Variants in PKP1 observed in about 807,000 individuals in gnomAD.
PKP1 encodes the protein plakophilin 1.
A neutral mutation model predicts 76.4 loss-of-function variants in PKP1; 27 were observed. That is an observed-to-expected ratio of 0.35 (90% CI 0.26 to 0.49). The LOEUF (loss-of-function observed/expected upper bound fraction) is 0.49. Among genes scored for constraint, PKP1 ranks in the 20% least tolerant of loss-of-function variants. PKP1 has a pLI of 0.99. For synonymous variants in PKP1, 404 were observed against 384.2 expected (o/e 1.05, Z -0.60); for missense variants, 964 against 955.2 (o/e 1.01, Z -0.12).
chr1:201,284,786 C>G (rs1302218140), intron 1 of PKP1, among the ~76,000 whole-genome samples: 3 of 152,156 alleles, frequency 2.0e-5, no homozygotes, highest in East Asian at 1.9e-4. Flanking sequence ...GAAATCCCCC[C>G]GGGCCCCAGG....
chr1:201,322,861 C>T (rs769328205), intron 8 of PKP1, 152 bp from the exon 9 acceptor site: 37 of 736,574 alleles, frequency 5.0e-5, no homozygotes, highest in Non-Finnish European at 7.6e-5. Context: ...TGCAGCGGGG[C>T]TGTCCTGGGC....
At chr1:201,290,195 C>T (rs893219717) in intron 1 of PKP1, among the ~76,000 whole-genome samples, 9 of 152,168 alleles carry the variant, frequency 5.9e-5, no homozygotes, top group Non-Finnish European at 8.8e-5. Flanking sequence ...CACCCTAAAA[C>T]GCGGATGTAA....
At position 201,330,398 on chromosome 1, in the gene PKP1, A is replaced by C. The variant is rs1304254710; in HGVS notation, c.*357A>C. Reference sequence around the variant, plus strand: ...GCATGTGTGTGTGTGTGAGTGTCTTAAAGCATAACCACAAACTGCAAAAAG... The same window carrying C: ...GCATGTGTGTGTGTGTGAGTGTCTTCAAGCATAACCACAAACTGCAAAAAG... On this transcript the variant is annotated 3_prime_UTR_variant, in exon 14 of 14. Coordinates refer to ENST00000367324, the MANE Select transcript of PKP1 (RefSeq NM_001005337.3). 6.6e-6 allele frequency: 1 copy of C among 152,250 alleles called. No individual in the cohort carries two copies. The highest frequency in any genetic ancestry group is 1.5e-5 in the Non-Finnish European group (1 of 68,086). 9.4% of individuals were successfully genotyped at this position (152,250 alleles called of 1,614,324 possible).
Position 201,320,282 on chromosome 1 carries a change from C to G in PKP1, c.1248C>G (p.Ala416=). The G allele has an allele frequency of 1.9e-6, 3 of 1,613,068 alleles. No homozygotes were observed. Among genetic ancestry groups the G allele is most frequent in the Non-Finnish European group, 2.5e-6 (3 of 1,179,086 alleles). Residue 416 remains alanine (A), a synonymous_variant, in exon 7 of 14, where the codon GCC becomes GCG. Transcript: ENST00000367324. ...ATGCLRNLSS[A]DAGRQTMRNY... is the part of the protein sequence containing the mutation. ...TCTCCCCCAGGAACCTGAGCTCGGC[C>G]GATGCAGGCCGCCAGACCATGCGTA...
rs541358229 is a variant in PKP1, at chr1:201,325,376, C to G, written c.2021+249C>G. Among the ~76,000 whole-genome samples the G allele has an allele frequency of 2.6e-5, 4 of 152,102 alleles. No individual in the cohort carries two copies. In the South Asian group the frequency reaches 8.3e-4, roughly 32 times the overall value. On this transcript the variant is annotated intron_variant, in intron 11 of 13. Transcript: ENST00000367324. Reference sequence around the variant, plus strand: ...CAACACACTTCCTGGCTGGGGGACTCGGGGGCACAAGGTCCTCAGAGGGCC... The same window carrying G: ...CAACACACTTCCTGGCTGGGGGACTGGGGGGCACAAGGTCCTCAGAGGGCC...
chr1:201,297,073 A>G (rs1372622529), intron 2 of PKP1, among the ~76,000 whole-genome samples: 5 of 152,220 alleles, frequency 3.3e-5, no homozygotes, highest in Admixed American at 2.0e-4. Flanking sequence ...CTATATCAAT[A>G]ATAGCCTTGT....
chr1:201,314,392 G>A (rs1261316887), intron 3 of PKP1, among the ~76,000 whole-genome samples: 1 of 152,144 alleles, frequency 6.6e-6, no homozygotes, highest in Admixed American at 6.5e-5. Flanking sequence ...AGCCCGGGAG[G>A]GGGAGGTTGC....
intron 1 of PKP1, among the ~76,000 whole-genome samples, chr1:201,290,863 A>G (rs978556900): frequency 3.9e-5 from 6 of 152,204 alleles, no homozygotes; most frequent in African/African-American, 7.2e-5. Flanking sequence ...GTCATTCATC[A>G]GGAAAGGCTT....
chr1:201,296,604 G>T (rs1356376366), intron 2 of PKP1, among the ~76,000 whole-genome samples: 1 of 152,210 alleles, frequency 6.6e-6, no homozygotes, highest in African/African-American at 2.4e-5. Context: ...CAGTGAGTGA[G>T]GTGCGCTACA....
intron 2 of PKP1, among the ~76,000 whole-genome samples, chr1:201,310,321 A>C (rs188919374): frequency 6.6e-6 from 1 of 152,380 alleles, no homozygotes; most frequent in Admixed American, 6.5e-5. Flanking sequence ...CTAGTTTTAC[A>C]GATGGAAAAA....
At chr1:201,306,709 C>T (rs1019122585) in intron 2 of PKP1, among the ~76,000 whole-genome samples, 1 of 151,852 alleles carries the variant, frequency 6.6e-6, no homozygotes, top group Middle Eastern at 3.2e-3. Flanking sequence ...GAGTCTCGCT[C>T]TCTCACCCAG....
In PKP1 at chr1:201,331,414, T is replaced by C. The variant is rs2102192501; in HGVS notation, c.*1373T>C. On this transcript the variant is annotated 3_prime_UTR_variant, in exon 14 of 14. Transcript: ENST00000367324. Reference sequence around the variant, plus strand: ...TTCAGACCAGCAGCAGCAGGAGGGCTCCCGAGGGCCTTATGAGAAAACCTG... The same window carrying C: ...TTCAGACCAGCAGCAGCAGGAGGGCCCCCGAGGGCCTTATGAGAAAACCTG... The C allele has an allele frequency of 6.6e-6, 1 of 152,524 alleles. No homozygotes were observed. The highest frequency in any genetic ancestry group is 1.9e-4 in the East Asian group (1 of 5,192). 9.4% of individuals were successfully genotyped at this position (152,524 alleles called of 1,614,324 possible). A position where few individuals can be genotyped will look rare whatever the true frequency, so the allele number is the denominator to read the frequency against.
At chr1:201,284,032 G>T in intron 1 of PKP1, 128 bp downstream of exon 1, 1 of 868,022 alleles carries the variant, frequency 1.2e-6, no homozygotes, top group East Asian at 2.6e-5. Context: ...CCCAGGCAGG[G>T]TCTACGCACC....
intron 13 of PKP1, 66 bp downstream of exon 13, chr1:201,328,934 G>C (rs1359091456): frequency 1.0e-6 from 1 of 995,766 alleles, no homozygotes; most frequent in Non-Finnish European, 1.6e-6. Flanking sequence ...CAGTCTCAGA[G>C]ACAAGGGCTA....
intron 11 of PKP1, 53 bp downstream of exon 11, chr1:201,325,180 C>G: frequency 6.4e-7 from 1 of 1,561,944 alleles, no homozygotes; most frequent in South Asian, 1.1e-5. Flanking sequence ...CCCCTCCTCA[C>G]CCTGCACAGC....
At chr1:201,304,505 T>C (rs1281303315) in intron 2 of PKP1, among the ~76,000 whole-genome samples, 1 of 152,210 alleles carries the variant, frequency 6.6e-6, no homozygotes, top group Non-Finnish European at 1.5e-5. Context: ...GGACAGATGG[T>C]CTTCCAGCCC....
chr1:201,318,622 G>T lies in PKP1; in HGVS notation c.1059G>T (p.Leu353=). 1 of 1,612,134 alleles carries T rather than the reference G, an allele frequency of 6.2e-7. No individual in the cohort carries two copies. Among genetic ancestry groups the T allele is most frequent in the Non-Finnish European group, 8.5e-7 (1 of 1,179,894 alleles). ...TTGATGGTCTCTGACCCCCAGGGCTGCTCTGGAACCTGTCTTCCACTGACG... is the reference window on the plus strand; with the variant it reads ...TTGATGGTCTCTGACCCCCAGGGCTTCTCTGGAACCTGTCTTCCACTGACG... ...NAEIQKQLTG[L]LWNLSSTDEL... Residue 353 remains leucine (L), a synonymous_variant, in exon 6 of 14, where the codon CTG becomes CTT. Coordinates refer to ENST00000367324, the MANE Select transcript of PKP1 (RefSeq NM_001005337.3).
At chr1:201,317,190 G>A (rs1722780) in intron 4 of PKP1, among the ~76,000 whole-genome samples, 75,595 of 152,008 alleles carry the variant, frequency 0.5, 22,818 homozygotes, top group East Asian at 0.74. Context: ...CCAGAGTCCC[G>A]GATAAGTTTG....
intron 1 of PKP1, among the ~76,000 whole-genome samples, chr1:201,290,898 C>T (rs774485195): frequency 7.9e-5 from 12 of 152,266 alleles, no homozygotes; most frequent in East Asian, 3.9e-4. Context: ...CTAGAGACAT[C>T]GGGGACCAAG....
Sources: allele counts gnomAD v4.1 joint callset (sites outside exome capture counted in the v4.1 genomes callset), GRCh38; gene constraint gnomAD v4.1.1; transcripts MANE v1.5; gene names NCBI Gene and HGNC (gene_info 2026-07-23, HGNC 2026-07-21).